The following SLC26A7 variants were observed in gnomAD, a reference collection of about 807,000 sequenced individuals.
SLC26A7 encodes the protein anion exchange transporter.
A neutral mutation model predicts 82.5 loss-of-function variants in SLC26A7; 59 were observed. The observed-to-expected ratio is 0.72, with a 90% CI of 0.58 to 0.89. The LOEUF is 0.89. SLC26A7 is among the 40% of genes least tolerant of loss of function. The pLI is 0.00. For missense variants in SLC26A7, 820 were observed against 793.0 expected (o/e 1.03, Z -0.41); for synonymous variants, 271 against 274.3 (o/e 0.99, Z 0.12).
At chr8:91,336,078 G>C (rs1177506895) in intron 6 of SLC26A7, among the ~76,000 whole-genome samples, 1 of 152,124 alleles carries the variant, frequency 6.6e-6, no homozygotes, top group Non-Finnish European at 1.5e-5. Flanking sequence ...ACTTCCAGAA[G>C]GTGCCCTGCA....
At chr8:91,224,750 T>A (rs1810210733) in intron 2 of SLC26A7, among the ~76,000 whole-genome samples, 1 of 152,152 alleles carries the variant, frequency 6.6e-6, no homozygotes, top group South Asian at 2.1e-4. Flanking sequence ...GAAACCCACT[T>A]CTCTAGGTTG....
At chr8:91,281,302 G>T (rs12680189) in intron 2 of SLC26A7, among the ~76,000 whole-genome samples, 7 of 151,924 alleles carry the variant, frequency 4.6e-5, no homozygotes, top group African/African-American at 1.7e-4. Flanking sequence ...CATGTCTCCC[G>T]GTTAAAGGGT....
At chr8:91,315,772 G>A (rs1012086347) in intron 4 of SLC26A7, among the ~76,000 whole-genome samples, 5 of 151,894 alleles carry the variant, frequency 3.3e-5, no homozygotes, top group African/African-American at 7.3e-5. Context: ...CTACATTTTC[G>A]AAACTGGTGA....
chr8:91,219,177 T>G (rs916726053), intron 2 of SLC26A7: 7 of 391,072 alleles, frequency 1.8e-5, no homozygotes, highest in Non-Finnish European at 2.3e-5. Flanking sequence ...GCCTTCAGCT[T>G]GCTTAGATTC....
intron 2 of SLC26A7, among the ~76,000 whole-genome samples, chr8:91,266,668 TA>T (rs537434331): frequency 1.1e-3 from 166 of 152,104 alleles, no homozygotes; most frequent in African/African-American, 3.9e-3. Flanking sequence ...TCTAGATATA[TA>T]ATCATGTCAT....
At chr8:91,352,388 C>T (rs778461124) in intron 10 of SLC26A7, among the ~76,000 whole-genome samples, 4 of 152,036 alleles carry the variant, frequency 2.6e-5, no homozygotes, top group Admixed American at 6.6e-5. Flanking sequence ...CAGTCTCCAT[C>T]CTTTGTTATT....
intron 1 of SLC26A7, among the ~76,000 whole-genome samples, chr8:91,211,683 T>C (rs774062698): frequency 4.6e-5 from 7 of 150,966 alleles, no homozygotes; most frequent in Admixed American, 6.6e-5. Context: ...TTGTTAATTA[T>C]CTCTTCAGAA....
At position 91,353,014 on chromosome 8, in the gene SLC26A7, C is replaced by T. The variant is rs1348025815; in HGVS notation, c.1314+18C>T. 1.3e-6 allele frequency: 2 copies of T among 1,541,524 alleles called. No individual in the cohort carries two copies. The highest frequency in any genetic ancestry group is 2.3e-5 in the East Asian group (1 of 43,982). On this transcript the variant is annotated intron_variant, in intron 11 of 18. Transcript: ENST00000276609. ...TCGATTGGGTAAGTAGAAATTTGAC[C>T]TAAAACAATCCCTTTTTAGCTTAAG...
intron 15 of SLC26A7, among the ~76,000 whole-genome samples, chr8:91,386,121 A>T (rs1814792808): frequency 6.6e-6 from 1 of 152,282 alleles, no homozygotes; most frequent in East Asian, 1.9e-4. Context: ...GTGGATAGGG[A>T]TGATTGAACT....
intron 5 of SLC26A7, among the ~76,000 whole-genome samples, chr8:91,318,867 CAA>C (rs1812714688): frequency 6.6e-6 from 1 of 152,152 alleles, no homozygotes; most frequent in African/African-American, 2.4e-5. Flanking sequence ...TGGCCATTTG[CAA>C]CATATTTTTC....
intron 2 of SLC26A7, among the ~76,000 whole-genome samples, chr8:91,265,703 T>C (rs1280936760): frequency 2.0e-5 from 3 of 152,010 alleles, no homozygotes; most frequent in African/African-American, 7.2e-5. Flanking sequence ...AAAAAATGTT[T>C]ATTTAGGCTT....
At chr8:91,271,252 A>T (rs1811259284) in intron 2 of SLC26A7, among the ~76,000 whole-genome samples, 1 of 152,318 alleles carries the variant, frequency 6.6e-6, no homozygotes, top group East Asian at 1.9e-4. Context: ...TTATAGCACT[A>T]AATAATTTAT....
chr8:91,354,520 T>C (rs1813807559), intron 11 of SLC26A7, among the ~76,000 whole-genome samples: 1 of 152,080 alleles, frequency 6.6e-6, no homozygotes, highest in Non-Finnish European at 1.5e-5. Flanking sequence ...TTGATTTCAT[T>C]ATGAAGGCAG....
chr8:91,364,049 G>A (rs569905292), intron 13 of SLC26A7, among the ~76,000 whole-genome samples: 8 of 151,706 alleles, frequency 5.3e-5, no homozygotes, highest in African/African-American at 1.9e-4. Flanking sequence ...TTACACAGTG[G>A]GTACCTTTTT....
intron 3 of SLC26A7, among the ~76,000 whole-genome samples, chr8:91,295,075 T>C (rs974080317): frequency 6.6e-5 from 10 of 152,212 alleles, no homozygotes; most frequent in Admixed American, 1.3e-4. Flanking sequence ...GAGGTCTTCA[T>C]ACCTATCATC....
chr8:91,243,059 AAATTT>A (rs1344731495), intron 2 of SLC26A7, among the ~76,000 whole-genome samples: 1 of 152,200 alleles, frequency 6.6e-6, no homozygotes, highest in Non-Finnish European at 1.5e-5. Context: ...CAAAAAGTTA[AAATTT>A]AATTGTGCGG....
rs1169934753 is a variant in SLC26A7, at chr8:91,395,599, C to T, written c.*502C>T. On this transcript the variant is annotated 3_prime_UTR_variant, in exon 19 of 19. Transcript: ENST00000276609. ...CAATAAGGCTAAATATTACTTTACA[C>T]AGTAAGATGTGAAATTCACAAAAAG... The T allele has an allele frequency of 1.3e-5, 2 of 152,250 alleles. No homozygotes were observed. Among genetic ancestry groups the T allele is most frequent in the African/African-American group, 4.8e-5 (2 of 41,424 alleles). 9.4% of individuals were successfully genotyped at this position (152,250 alleles called of 1,614,324 possible).
chr8:91,378,103 G>A (rs973840998), intron 15 of SLC26A7, among the ~76,000 whole-genome samples: 8 of 151,672 alleles, frequency 5.3e-5, no homozygotes, highest in Admixed American at 4.6e-4. Context: ...CAAAGAATTT[G>A]GTATTTGTTA....
intron 6 of SLC26A7, 87 bp downstream of exon 6, chr8:91,334,534 T>C: frequency 8.1e-7 from 1 of 1,228,932 alleles, no homozygotes; most frequent in Non-Finnish European, 1.1e-6. Flanking sequence ...ATATTGTCTG[T>C]AGTAACCCTC....
Sources: gnomAD v4.1 joint callset for allele counts (sites outside exome capture counted in the v4.1 genomes callset) on GRCh38, gnomAD v4.1.1 for gene constraint, MANE v1.5 for transcripts, NCBI Gene and HGNC (gene_info 2026-07-23, HGNC 2026-07-21) for gene names.